TMTC2: variants seen among roughly 807,000 people sequenced by gnomAD.
The protein encoded by TMTC2 is transmembrane O-mannosyltransferase targeting cadherins 2.
In TMTC2, 43 loss-of-function variants were observed where a neutral mutation model predicts 82.4. The ratio of observed to expected loss-of-function variants is 0.52; its 90% CI spans 0.41 to 0.67. The LOEUF (loss-of-function observed/expected upper bound fraction) is 0.67. Ranked by LOEUF, TMTC2 falls within the 30% of genes least tolerant of loss-of-function variation. The pLI is 0.00. For missense variants in TMTC2, 919 were observed against 1,012.4 expected (o/e 0.91, Z 1.25); for synonymous variants, 408 against 381.9 (o/e 1.07, Z -0.80).
At chr12:82,845,221 T>C in intron 1 of TMTC2, among the ~76,000 whole-genome samples, 1 of 78,838 alleles carries the variant, frequency 1.3e-5, no homozygotes, top group Non-Finnish European at 2.1e-5. Flanking sequence ...AGAGCGTGAC[T>C]GTCTCAAAAA....
intron 1 of TMTC2, among the ~76,000 whole-genome samples, chr12:82,741,146 A>G (rs895021906): frequency 1.3e-5 from 2 of 152,238 alleles, no homozygotes; most frequent in African/African-American, 4.8e-5. Flanking sequence ...GCCTAAGCCT[A>G]AACTCTTATT....
intron 7 of TMTC2, among the ~76,000 whole-genome samples, chr12:82,967,502 G>T (rs1878265813): frequency 6.6e-6 from 1 of 152,040 alleles, no homozygotes; most frequent in African/African-American, 2.4e-5. Flanking sequence ...TAATCAGAAA[G>T]TATGTAAGTC....
chr12:82,775,150 A>C (rs970616318), intron 1 of TMTC2, among the ~76,000 whole-genome samples: 13 of 152,102 alleles, frequency 8.5e-5, no homozygotes, highest in African/African-American at 2.9e-4. Context: ...TGTGAAATAA[A>C]GATAGAAACA....
chr12:82,956,664 G>C (rs1359802888), intron 4 of TMTC2, among the ~76,000 whole-genome samples: 5 of 152,028 alleles, frequency 3.3e-5, no homozygotes, highest in Admixed American at 3.3e-4. Flanking sequence ...ATGTTGACCA[G>C]ACTGGTATTG....
At chr12:82,730,805 C>T (rs907680973) in intron 1 of TMTC2, among the ~76,000 whole-genome samples, 1 of 152,152 alleles carries the variant, frequency 6.6e-6, no homozygotes, top group African/African-American at 2.4e-5. Context: ...CCAATGGACA[C>T]ACTAGCAAGG....
At chr12:83,092,226 A>T (rs1053768325) in intron 11 of TMTC2, among the ~76,000 whole-genome samples, 1 of 152,184 alleles carries the variant, frequency 6.6e-6, no homozygotes, top group Non-Finnish European at 1.5e-5. Flanking sequence ...GTGCTTTTGC[A>T]GTGTTCCTCC....
intron 1 of TMTC2, among the ~76,000 whole-genome samples, chr12:82,712,324 G>A (rs2136914953): frequency 1.3e-5 from 2 of 152,166 alleles, no homozygotes; most frequent in East Asian, 3.9e-4. Context: ...CAGCTACTCG[G>A]GAGGCTGAGG....
intron 4 of TMTC2, among the ~76,000 whole-genome samples, chr12:82,949,409 A>C (rs908836632): frequency 1.3e-5 from 2 of 152,242 alleles, no homozygotes; most frequent in African/African-American, 2.4e-5. Flanking sequence ...CAGAAGATAT[A>C]TATGGACTTA....
At chr12:82,824,390 C>T (rs1403819728) in intron 1 of TMTC2, among the ~76,000 whole-genome samples, 1 of 152,192 alleles carries the variant, frequency 6.6e-6, no homozygotes. Flanking sequence ...TTACACCATT[C>T]ATTATAATAA....
intron 11 of TMTC2, among the ~76,000 whole-genome samples, chr12:83,098,785 G>C (rs1160990145): frequency 6.6e-6 from 1 of 152,160 alleles, no homozygotes; most frequent in East Asian, 1.9e-4. Flanking sequence ...CATCCATGCT[G>C]AGTGCAACAT....
At chr12:83,042,195 T>C (rs1460163209) in intron 9 of TMTC2, among the ~76,000 whole-genome samples, 1 of 152,206 alleles carries the variant, frequency 6.6e-6, no homozygotes, top group African/African-American at 2.4e-5. Context: ...AGGAAAAGGA[T>C]GTTTGGGCTC....
intron 1 of TMTC2, among the ~76,000 whole-genome samples, chr12:82,768,356 C>T (rs1018240479): frequency 1.2e-4 from 18 of 152,168 alleles, no homozygotes; most frequent in African/African-American, 4.3e-4. Flanking sequence ...TATACTTCAG[C>T]ATTTGACAGA....
intron 4 of TMTC2, among the ~76,000 whole-genome samples, chr12:82,944,752 C>T (rs1876909832): frequency 6.6e-6 from 1 of 151,792 alleles, no homozygotes; most frequent in Middle Eastern, 3.4e-3. Flanking sequence ...TTTTGTGTCC[C>T]CATGGGAAAA....
rs11834521 is a variant in TMTC2, at chr12:82,876,634, A to G, written c.654+19054A>G. ...TAAATCCTAAATATTCCATAAATAC[A>G]TTCTAATAAGTATTGTTTAATTAGT... On this transcript the variant is annotated intron_variant, in intron 2 of 11. Transcript: ENST00000321196. 3.3e-3 allele frequency among the ~76,000 whole-genome samples: 498 copies of G among 152,338 alleles called. 1 individual carries two copies. Among genetic ancestry groups the G allele is most frequent in the African/African-American group, 0.011 (474 of 41,576 alleles).
chr12:82,973,894 A>C (rs1268713100), intron 7 of TMTC2, among the ~76,000 whole-genome samples: 1 of 152,196 alleles, frequency 6.6e-6, no homozygotes, highest in African/African-American at 2.4e-5. Flanking sequence ...TAAAACCACA[A>C]GAGCCCACCT....
At chr12:82,932,110 C>G (rs562292552) in intron 4 of TMTC2, among the ~76,000 whole-genome samples, 4 of 152,190 alleles carry the variant, frequency 2.6e-5, no homozygotes, top group African/African-American at 4.8e-5. Context: ...TTAGCTGAAT[C>G]TTTTGTATTG....
At chr12:82,874,712 AAAT>A (rs1872390668) in intron 2 of TMTC2, among the ~76,000 whole-genome samples, 1 of 152,120 alleles carries the variant, frequency 6.6e-6, no homozygotes, top group South Asian at 2.1e-4. Flanking sequence ...TGATTATCTA[AAAT>A]GGAGCCTTTT....
chr12:82,812,544 A>C (rs927599926), intron 1 of TMTC2, among the ~76,000 whole-genome samples: 2 of 152,242 alleles, frequency 1.3e-5, no homozygotes, highest in African/African-American at 4.8e-5. Flanking sequence ...ATGAAATGGA[A>C]TTTTATTAAA....
intron 1 of TMTC2, among the ~76,000 whole-genome samples, chr12:82,700,844 T>C (rs1873041537): frequency 6.6e-6 from 1 of 152,188 alleles, no homozygotes; most frequent in South Asian, 2.1e-4. Context: ...AGAGGTTTAA[T>C]GGACTCACAG....
Sources: gnomAD v4.1 joint callset for allele counts (sites outside exome capture counted in the v4.1 genomes callset) on GRCh38, gnomAD v4.1.1 for gene constraint, MANE v1.5 for transcripts, NCBI Gene and HGNC (gene_info 2026-07-23, HGNC 2026-07-21) for gene names.